The following TRPM1 variants were observed in gnomAD, a reference collection of about 807,000 sequenced individuals.
The protein encoded by TRPM1 is TRPM1-203 APA Isoform, Intron 10.
Under a neutral mutation model 149.4 loss-of-function variants are expected in TRPM1, and 113 were observed. The observed-to-expected ratio is 0.76, with a 90% CI of 0.65 to 0.88. The LOEUF (loss-of-function observed/expected upper bound fraction) is 0.88, where lower values mean the gene tolerates loss of function less well. TRPM1 is among the 40% of genes least tolerant of loss of function. TRPM1 has a pLI of 0.00. For synonymous variants in TRPM1, 741 were observed against 759.5 expected, an observed-to-expected ratio of 0.98 and a Z score of 0.40; for missense variants, 1,976 against 2,038.7, an observed-to-expected ratio of 0.97 and a Z score of 0.59.
At chr15:31,095,740 T>G (rs957438498) in intron 1 of TRPM1, among the ~76,000 whole-genome samples, 1 of 149,960 alleles carries the variant, frequency 6.7e-6, no homozygotes, top group East Asian at 2.0e-4. Flanking sequence ...CTAAACTAAA[T>G]GAAACATAAA....
intron 1 of TRPM1, among the ~76,000 whole-genome samples, chr15:31,149,147 G>A (rs2036260068): frequency 6.6e-6 from 1 of 152,226 alleles, no homozygotes; most frequent in African/African-American, 2.4e-5. Flanking sequence ...AGGGAACTGA[G>A]GGCTGGGGAG....
chr15:31,099,192 A>T (rs2035460960), intron 1 of TRPM1, among the ~76,000 whole-genome samples: 2 of 152,146 alleles, frequency 1.3e-5, no homozygotes, highest in African/African-American at 4.8e-5. Context: ...CTTGCAAAAG[A>T]GGAGGATGGC....
At chr15:31,125,765 A>C (rs2035943652) in intron 1 of TRPM1, among the ~76,000 whole-genome samples, 1 of 149,882 alleles carries the variant, frequency 6.7e-6, no homozygotes. Flanking sequence ...AATTATTAAA[A>C]AATTAAAATT....
rs1307491068 is a variant in TRPM1 at position 31,031,043 on chromosome 15, T to C, written c.3067A>G (p.Asn1023Asp). 1.9e-6 allele frequency: 3 copies of C among 1,614,022 alleles called. No individual in the cohort carries two copies. The highest frequency in any genetic ancestry group is 2.7e-5 in the African/African-American group (2 of 74,918). Reference protein sequence around the residue: ...EEKPSWKLARNIFYMPYWMIY... With the variant: ...EEKPSWKLARDIFYMPYWMIY... Reference sequence around the variant, plus strand: ...ATCCAGTAGGGCATGTAGAAGATGTTTCGGGCCAGTTTCCAAGAGGGCTTC... The same window carrying C: ...ATCCAGTAGGGCATGTAGAAGATGTCTCGGGCCAGTTTCCAAGAGGGCTTC... The change falls in exon 23 of 28, where the codon AAC becomes GAC. Residue 1023 changes from asparagine (N) to aspartate (D), a missense_variant. By Grantham distance (23) the Asn-to-Asp change is conservative. Transcript: ENST00000256552.
intron 27 of TRPM1, among the ~76,000 whole-genome samples, chr15:31,018,570 A>G (rs1485577293): frequency 6.6e-6 from 1 of 151,846 alleles, no homozygotes; most frequent in Non-Finnish European, 1.5e-5. Context: ...ACGGGGTTTC[A>G]CCATGTTGGT....
chr15:31,150,001 A>C (rs1385635940), intron 1 of TRPM1, among the ~76,000 whole-genome samples: 1 of 152,182 alleles, frequency 6.6e-6, no homozygotes, highest in Admixed American at 6.5e-5. Flanking sequence ...CCTGGGCGGC[A>C]GAAGGAGGAG....
At chr15:31,053,544 T>C (rs2140944862) in intron 11 of TRPM1, among the ~76,000 whole-genome samples, 1 of 152,172 alleles carries the variant, frequency 6.6e-6, no homozygotes, top group East Asian at 1.9e-4. Flanking sequence ...ATTACAGGCA[T>C]GTAAGCCACT....
chr15:31,032,127 G>A (rs573788530), intron 22 of TRPM1, among the ~76,000 whole-genome samples: 7 of 148,730 alleles, frequency 4.7e-5, no homozygotes, highest in Non-Finnish European at 1.0e-4. Flanking sequence ...CAGCCATCAA[G>A]AAGTAAATAT....
Position 31,097,609 on chromosome 15 carries a change from C to T in TRPM1, c.-84+4048G>A, listed in dbSNP as rs182455376. 2.6e-5 allele frequency among the ~76,000 whole-genome samples: 4 copies of T among 152,210 alleles called. No homozygotes were observed. In the East Asian group the frequency reaches 7.7e-4, roughly 29 times the overall value. On this transcript the variant is annotated intron_variant, in intron 1 of 27. Coordinates refer to ENST00000256552, the MANE Select transcript of TRPM1 (RefSeq NM_001252024.2). ...GGGGACTGATTAAACCAATTAACGA[C>T]GTACCAAATCATGGACTATGCAACC...
chr15:31,155,819 A>G (rs1045593980), intron 1 of TRPM1, among the ~76,000 whole-genome samples: 1 of 152,042 alleles, frequency 6.6e-6, no homozygotes, highest in African/African-American at 2.4e-5. Flanking sequence ...AGACCATAAA[A>G]TCTCATCAGT....
intron 27 of TRPM1, among the ~76,000 whole-genome samples, chr15:31,016,875 T>A: frequency 6.6e-6 from 1 of 152,094 alleles, no homozygotes; most frequent in Non-Finnish European, 1.5e-5. Flanking sequence ...CACGCCCATA[T>A]TCATCTTTTG....
chr15:31,130,158 G>T (rs1338761841), intron 1 of TRPM1, among the ~76,000 whole-genome samples: 1 of 152,164 alleles, frequency 6.6e-6, no homozygotes, highest in African/African-American at 2.4e-5. Flanking sequence ...GTTAATGCCG[G>T]GTGCATTGGG....
At chr15:31,157,559 A>C (rs913513803) in intron 1 of TRPM1, among the ~76,000 whole-genome samples, 12 of 152,184 alleles carry the variant, frequency 7.9e-5, no homozygotes, top group Non-Finnish European at 1.5e-5. Flanking sequence ...GACAGGGATA[A>C]AAGTGCAAGG....
At chr15:31,114,328 G>A (rs1385251251) in intron 1 of TRPM1, among the ~76,000 whole-genome samples, 1 of 152,132 alleles carries the variant, frequency 6.6e-6, no homozygotes, top group Non-Finnish European at 1.5e-5. Flanking sequence ...CTTCATCCAT[G>A]TCCCTGCAAA....
Position 31,002,962 on chromosome 15 carries a change from A to G in TRPM1, c.3738T>C (p.Ser1246=), listed in dbSNP as rs369879868. 4.4e-6 allele frequency: 7 copies of G among 1,599,378 alleles called. No homozygotes were observed. The Admixed American group carries it at 8.6e-5, about 20-fold the overall frequency. ...DLRLAQLEEL[S]NRMVNALENL... ...TTTCAAGAGCATTCACCATTCTGTTAGATAATTCTTCTAGCTGAGCAAGTC... is the reference window on the plus strand; with the variant it reads ...TTTCAAGAGCATTCACCATTCTGTTGGATAATTCTTCTAGCTGAGCAAGTC... Residue 1246 remains serine, a synonymous_variant, in exon 28 of 28, where the codon TCT becomes TCC. Coordinates refer to ENST00000256552, the MANE Select transcript of TRPM1 (RefSeq NM_001252024.2).
intron 21 of TRPM1, among the ~76,000 whole-genome samples, chr15:31,033,910 T>C (rs2033219082): frequency 6.6e-6 from 1 of 152,190 alleles, no homozygotes; most frequent in South Asian, 2.1e-4. Context: ...AGGTGGCAAG[T>C]ATAATTTTGG....
rs2033807222 is a variant in TRPM1 at position 31,047,390 on chromosome 15, A to G, written c.1624-139T>C. 4 of 917,042 alleles carry G rather than the reference A, an allele frequency of 4.4e-6. No homozygotes were observed. The Admixed American group carries it at 8.1e-5, about 19-fold the overall frequency. The allele number at this position is 917,042 out of a possible 1,614,324, so 56.8% of individuals were successfully genotyped here. On this transcript the variant is annotated intron_variant, in intron 14 of 27. Transcript: ENST00000256552. ...AGGTGGGTGGGTGGGGGATTAAACAATATTCAGGCTGGGGAAAGCATCTAT... is the reference window on the plus strand; with the variant it reads ...AGGTGGGTGGGTGGGGGATTAAACAGTATTCAGGCTGGGGAAAGCATCTAT...
chr15:31,031,402 TC>T (rs1409494129), intron 22 of TRPM1: 1 of 579,658 alleles, frequency 1.7e-6, no homozygotes, highest in Admixed American at 3.0e-5. Flanking sequence ...TTGCTTCTTC[TC>T]TGTTGTTGCC....
intron 1 of TRPM1, among the ~76,000 whole-genome samples, chr15:31,153,558 A>G (rs2036330498): frequency 6.6e-6 from 1 of 152,154 alleles, no homozygotes; most frequent in African/African-American, 2.4e-5. Context: ...TCCTAACCTC[A>G]GGCAATCCAC....
Sources: allele counts gnomAD v4.1 joint callset (sites outside exome capture counted in the v4.1 genomes callset), GRCh38; gene constraint gnomAD v4.1.1; transcripts MANE v1.5; gene names NCBI Gene and HGNC (gene_info 2026-07-23, HGNC 2026-07-21).